The following CCDC148 variants were observed in gnomAD, a reference collection of about 807,000 sequenced individuals.
CCDC148 encodes the protein coiled-coil domain-containing protein 148.
In CCDC148, 89 loss-of-function variants were observed where a neutral mutation model predicts 85.7. The observed-to-expected ratio is 1.04, with a 90% CI of 0.87 to 1.24. The LOEUF is 1.24. CCDC148 is among the 50% of genes most tolerant of loss of function. The pLI is 0.00. For synonymous variants in CCDC148, 230 were observed against 213.9 expected (o/e 1.08, Z -0.66); for missense variants, 692 against 671.7 (o/e 1.03, Z -0.33).
chr2:158,343,331 C>T (rs10193845), intron 3 of CCDC148, among the ~76,000 whole-genome samples: 6,339 of 152,286 alleles, frequency 0.042, 224 homozygotes, highest in African/African-American at 0.089. Flanking sequence ...CCCAGCTCCA[C>T]ACAGACTAGG....
At chr2:158,239,852 C>T (rs780759924) in intron 10 of CCDC148, among the ~76,000 whole-genome samples, 3 of 151,884 alleles carry the variant, frequency 2.0e-5, no homozygotes, top group Non-Finnish European at 4.4e-5. Flanking sequence ...CTCCTTTTGA[C>T]CATTATATTA....
In CCDC148 at chr2:158,340,371, CTGT is replaced by C; in HGVS notation, c.354_356del (p.Gln119del). ...TTATTACATTTTTAAGATATGTGCA[CTGT>C]TGTTCTGATAGCTCTTGCTCTATGG... On this transcript the variant is annotated inframe_deletion, in exon 5 of 14. Coordinates refer to ENST00000283233, the MANE Select transcript of CCDC148 (RefSeq NM_138803.4). 1 of 1,613,732 alleles carries C rather than the reference CTGT, an allele frequency of 6.2e-7. No individual in the cohort carries two copies. Among genetic ancestry groups the C allele is most frequent in the Non-Finnish European group, 8.5e-7 (1 of 1,179,886 alleles).
chr2:158,188,531 G>A (rs2105270534), intron 11 of CCDC148, among the ~76,000 whole-genome samples: 1 of 151,936 alleles, frequency 6.6e-6, no homozygotes, highest in South Asian at 2.1e-4. Flanking sequence ...GGGGAAACTG[G>A]CTAACCATAT....
intron 9 of CCDC148, among the ~76,000 whole-genome samples, chr2:158,284,020 G>A (rs1405368795): frequency 4.7e-5 from 7 of 147,520 alleles, no homozygotes; most frequent in Admixed American, 2.7e-4. Context: ...GTAAACTATC[G>A]TAAGAACAAA....
intron 1 of CCDC148, among the ~76,000 whole-genome samples, chr2:158,430,754 G>C (rs1013988781): frequency 5.3e-5 from 8 of 151,814 alleles, no homozygotes; most frequent in African/African-American, 1.7e-4. Flanking sequence ...ATTTTAAAAA[G>C]CACAAAAAAT....
chr2:158,207,290 G>C (rs555057471), intron 11 of CCDC148, among the ~76,000 whole-genome samples: 124 of 152,088 alleles, frequency 8.2e-4, no homozygotes, highest in Non-Finnish European at 1.5e-3. Flanking sequence ...GAACGAACTG[G>C]GAAGCAATAT....
chr2:158,264,617 G>T (rs1446866800), intron 9 of CCDC148, among the ~76,000 whole-genome samples: 2 of 152,006 alleles, frequency 1.3e-5, no homozygotes, highest in Non-Finnish European at 2.9e-5. Flanking sequence ...GGGAGGCAAA[G>T]GATAAAATGT....
intron 9 of CCDC148, among the ~76,000 whole-genome samples, chr2:158,302,326 C>T (rs375810078): frequency 1.3e-5 from 2 of 152,044 alleles, no homozygotes; most frequent in Non-Finnish European, 2.9e-5. Flanking sequence ...GGTAAGGGTC[C>T]TATGGAGTGG....
At chr2:158,359,604 A>T (rs1574690272) in intron 1 of CCDC148, among the ~76,000 whole-genome samples, 1 of 152,142 alleles carries the variant, frequency 6.6e-6, no homozygotes, top group East Asian at 1.9e-4. Context: ...TCCCCTAGCC[A>T]AGGGAAGCCA....
intron 11 of CCDC148, among the ~76,000 whole-genome samples, chr2:158,218,092 A>G (rs1448699578): frequency 6.6e-6 from 1 of 152,210 alleles, no homozygotes; most frequent in East Asian, 1.9e-4. Flanking sequence ...TCTGAGAATT[A>G]TATGTCTTAA....
At chr2:158,309,266 T>C (rs1328360103) in intron 9 of CCDC148, among the ~76,000 whole-genome samples, 167 bp downstream of exon 9, 1 of 152,252 alleles carries the variant, frequency 6.6e-6, no homozygotes, top group Non-Finnish European at 1.5e-5. Context: ...TTATTGACTG[T>C]ATTTGACCTA....
intron 1 of CCDC148, among the ~76,000 whole-genome samples, chr2:158,421,006 G>A (rs79366070): frequency 0.037 from 5,650 of 152,084 alleles, 165 homozygotes; most frequent in African/African-American, 0.078. Flanking sequence ...ATTACATAAT[G>A]GTAAAGGGAT....
intron 9 of CCDC148, among the ~76,000 whole-genome samples, chr2:158,276,645 A>G (rs1441924280): frequency 1.3e-5 from 2 of 152,200 alleles, no homozygotes; most frequent in Admixed American, 6.5e-5. Flanking sequence ...GCATGAAGTT[A>G]TCACATTAAG....
At chr2:158,181,303 G>A (rs1243930655) in intron 11 of CCDC148, among the ~76,000 whole-genome samples, 1 of 152,172 alleles carries the variant, frequency 6.6e-6, no homozygotes, top group Non-Finnish European at 1.5e-5. Flanking sequence ...ATTTGTACTT[G>A]TGTGGTAGAG....
At chr2:158,405,732 C>T (rs758489495) in intron 1 of CCDC148, among the ~76,000 whole-genome samples, 1 of 152,030 alleles carries the variant, frequency 6.6e-6, no homozygotes, top group Non-Finnish European at 1.5e-5. Context: ...TAATGATTTA[C>T]CTAATTTACA....
At chr2:158,369,285 T>C (rs754115755) in intron 1 of CCDC148, among the ~76,000 whole-genome samples, 12 of 152,304 alleles carry the variant, frequency 7.9e-5, no homozygotes, top group East Asian at 1.9e-4. Context: ...TTTCATGATA[T>C]TGATTCCTCC....
intron 1 of CCDC148, among the ~76,000 whole-genome samples, chr2:158,449,807 T>C (rs534461945): frequency 6.6e-6 from 1 of 152,336 alleles, no homozygotes; most frequent in African/African-American, 2.4e-5. Context: ...ATATACTTTA[T>C]TCTCAGATTT....
At chr2:158,225,013 T>C (rs1333739433) in intron 10 of CCDC148, among the ~76,000 whole-genome samples, 2 of 152,102 alleles carry the variant, frequency 1.3e-5, no homozygotes, top group African/African-American at 2.4e-5. Flanking sequence ...ACTGGCAAAT[T>C]GGATAAAGAG....
At chr2:158,365,828 G>T (rs574279818) in intron 1 of CCDC148, among the ~76,000 whole-genome samples, 1 of 151,948 alleles carries the variant, frequency 6.6e-6, no homozygotes, top group Admixed American at 6.6e-5. Flanking sequence ...GAAAGCAAGG[G>T]TATCCTGACC....
Sources: gnomAD v4.1 joint callset for allele counts (sites outside exome capture counted in the v4.1 genomes callset) on GRCh38, gnomAD v4.1.1 for gene constraint, MANE v1.5 for transcripts, NCBI Gene and HGNC (gene_info 2026-07-23, HGNC 2026-07-21) for gene names.